AKAP13: variants seen among roughly 807,000 people sequenced by gnomAD.
AKAP13 encodes the protein A-kinase anchor protein 13.
A neutral mutation model predicts 264.5 loss-of-function variants in AKAP13; 80 were observed. That is an observed-to-expected ratio of 0.30 (90% CI 0.25 to 0.36). The LOEUF (loss-of-function observed/expected upper bound fraction) is 0.36. Among genes scored for constraint, AKAP13 ranks in the 10% least tolerant of loss-of-function variants. AKAP13 has a pLI of 1.00. For missense variants in AKAP13, 3,712 were observed against 3,435.2 expected (o/e 1.08, Z -2.01); for synonymous variants, 1,380 against 1,250.2 (o/e 1.10, Z -2.19).
intron 3 of AKAP13, among the ~76,000 whole-genome samples, chr15:85,530,531 T>A (rs1271869186): frequency 6.6e-6 from 1 of 152,156 alleles, no homozygotes; most frequent in Non-Finnish European, 1.5e-5. Flanking sequence ...CACTGTAAAT[T>A]TAAGGTTTGA....
chr15:85,676,323 G>A (rs1462305779), intron 14 of AKAP13, among the ~76,000 whole-genome samples: 2 of 152,216 alleles, frequency 1.3e-5, no homozygotes, highest in African/African-American at 4.8e-5. Context: ...ACAAAGTGAA[G>A]AAGCCTGAGT....
At chr15:85,623,619 C>T (rs1342290737) in intron 8 of AKAP13, among the ~76,000 whole-genome samples, 8 of 152,218 alleles carry the variant, frequency 5.3e-5, no homozygotes, top group Non-Finnish European at 1.2e-4. Context: ...ATCCTCACAT[C>T]AGCTCTTCTG....
At chr15:85,534,817 C>T (rs1411000679) in intron 4 of AKAP13, 2 of 152,124 alleles carry the variant, frequency 1.3e-5, no homozygotes, top group African/African-American at 4.8e-5. Context: ...TTCTAGTAGC[C>T]AATGACATCT....
intron 16 of AKAP13, among the ~76,000 whole-genome samples, chr15:85,689,327 C>G (rs1252089112): frequency 1.3e-5 from 2 of 152,164 alleles, no homozygotes; most frequent in Non-Finnish European, 2.9e-5. Context: ...AATTCTCATT[C>G]CTTCTTTGAT....
At chr15:85,394,902 T>C (rs1315727935) in intron 1 of AKAP13, among the ~76,000 whole-genome samples, 1 of 152,254 alleles carries the variant, frequency 6.6e-6, no homozygotes, top group Non-Finnish European at 1.5e-5. Flanking sequence ...GTGAGGATTC[T>C]TCAGAGTTGC....
intron 6 of AKAP13, among the ~76,000 whole-genome samples, chr15:85,577,283 G>A (rs2079045893): frequency 6.6e-6 from 1 of 152,058 alleles, no homozygotes; most frequent in African/African-American, 2.4e-5. Context: ...TGAGAGGATG[G>A]ATGGCAGTAG....
chr15:85,743,945 A>C (rs2089247471), intron 36 of AKAP13, 120 bp downstream of exon 36: 1 of 1,180,130 alleles, frequency 8.5e-7, no homozygotes. Context: ...CAAAAGCCAA[A>C]CTGCCATCCT....
At chr15:85,501,182 T>G (rs2076028653) in intron 2 of AKAP13, among the ~76,000 whole-genome samples, 1 of 152,188 alleles carries the variant, frequency 6.6e-6, no homozygotes, top group East Asian at 1.9e-4. Context: ...TATTGTGTAG[T>G]TTGTCCTGTC....
intron 1 of AKAP13, among the ~76,000 whole-genome samples, chr15:85,478,666 T>C (rs2075257523): frequency 6.6e-6 from 1 of 152,054 alleles, no homozygotes; most frequent in South Asian, 2.1e-4. Flanking sequence ...GTTAGACTCT[T>C]CATTTCCTTC....
chr15:85,402,909 G>T (rs1018850403), intron 1 of AKAP13, among the ~76,000 whole-genome samples: 2 of 152,198 alleles, frequency 1.3e-5, no homozygotes, highest in Admixed American at 1.3e-4. Context: ...AAAGTTACAG[G>T]AGTTTTGTAG....
At chr15:85,397,039 G>A (rs1239025623) in intron 1 of AKAP13, among the ~76,000 whole-genome samples, 10 of 55,986 alleles carry the variant, frequency 1.8e-4, no homozygotes, top group South Asian at 1.0e-3. Flanking sequence ...ATTCCCCCCC[G>A]CCCCCCGAGG....
intron 29 of AKAP13, among the ~76,000 whole-genome samples, chr15:85,729,104 G>A (rs548775965): frequency 6.6e-6 from 1 of 152,074 alleles, no homozygotes. Flanking sequence ...TTCGAGACCA[G>A]CCTGACCAAC....
intron 2 of AKAP13, among the ~76,000 whole-genome samples, chr15:85,507,337 T>C (rs535782335): frequency 1.3e-5 from 2 of 150,928 alleles, no homozygotes; most frequent in African/African-American, 4.9e-5. Flanking sequence ...TGAAACACAG[T>C]CACTCCCATT....
chr15:85,526,342 C>G (rs1006226987), intron 3 of AKAP13, among the ~76,000 whole-genome samples: 7 of 152,080 alleles, frequency 4.6e-5, no homozygotes, highest in Admixed American at 3.9e-4. Flanking sequence ...TCATTGCAGG[C>G]TTGACTTCCC....
chr15:85,592,158 G>GT (rs2079611674), intron 8 of AKAP13, among the ~76,000 whole-genome samples: 1 of 147,958 alleles, frequency 6.8e-6, no homozygotes, highest in Non-Finnish European at 1.5e-5. Context: ...CAGGACTGTA[G>GT]TAAGGGCATT....
chr15:85,480,380 A>G (rs1266553661), intron 1 of AKAP13, among the ~76,000 whole-genome samples: 2 of 152,182 alleles, frequency 1.3e-5, no homozygotes, highest in Non-Finnish European at 2.9e-5. Context: ...GGCTTCTGCT[A>G]TGTGCCTGTC....
At chr15:85,643,274 T>TCC (rs34996978) in intron 9 of AKAP13, among the ~76,000 whole-genome samples, 1 of 151,678 alleles carries the variant, frequency 6.6e-6, no homozygotes, top group Admixed American at 6.6e-5. Flanking sequence ...GTAAACTGCT[T>TCC]CCCCCCCAAC....
At chr15:85,638,348 A>G (rs950756873) in intron 8 of AKAP13, among the ~76,000 whole-genome samples, 1 of 151,474 alleles carries the variant, frequency 6.6e-6, no homozygotes, top group Non-Finnish European at 1.5e-5. Context: ...GTTTTATTTG[A>G]GGTTTGTTTT....
At chr15:85,534,681 A>C (rs1304968923) in intron 4 of AKAP13, 3 of 151,280 alleles carry the variant, frequency 2.0e-5, no homozygotes, top group African/African-American at 7.3e-5. Flanking sequence ...CAGGTAATCT[A>C]CCCACCTCGG....
Sources: gnomAD v4.1 joint callset for allele counts (sites outside exome capture counted in the v4.1 genomes callset) on GRCh38, gnomAD v4.1.1 for gene constraint, MANE v1.5 for transcripts, NCBI Gene and HGNC (gene_info 2026-07-23, HGNC 2026-07-21) for gene names.